CLDN16: variants seen among roughly 807,000 people sequenced by gnomAD.
The protein encoded by CLDN16 is claudin-16.
A neutral mutation model predicts 24.6 loss-of-function variants in CLDN16; 13 were observed. That is an observed-to-expected ratio of 0.53 (90% CI 0.34 to 0.84). The LOEUF (loss-of-function observed/expected upper bound fraction) is 0.84. Among genes scored for constraint, CLDN16 ranks in the 40% least tolerant of loss-of-function variants. The pLI, the probability that CLDN16 is intolerant of heterozygous loss-of-function variation, is 0.01. For synonymous variants in CLDN16, 116 were observed against 106.7 expected, an observed-to-expected ratio of 1.09 and a Z score of -0.54; for missense variants, 298 against 292.7, an observed-to-expected ratio of 1.02 and a Z score of -0.13.
intron 1 of CLDN16, among the ~76,000 whole-genome samples, chr3:190,334,017 A>G (rs1284422174): frequency 6.6e-6 from 1 of 152,122 alleles, no homozygotes; most frequent in Non-Finnish European, 1.5e-5. Flanking sequence ...TTGCCATTAA[A>G]AAGATATTGC....
chr3:190,338,506 A>G (rs886833593), intron 1 of CLDN16, among the ~76,000 whole-genome samples: 2 of 152,210 alleles, frequency 1.3e-5, no homozygotes, highest in African/African-American at 4.8e-5. Flanking sequence ...TAAATTGACA[A>G]GTACAGCAAT....
At chr3:190,393,706 C>G (rs904376956) in intron 1 of CLDN16, among the ~76,000 whole-genome samples, 4 of 145,304 alleles carry the variant, frequency 2.8e-5, no homozygotes, top group African/African-American at 1.0e-4. Context: ...TATTGCTTCT[C>G]TTGGAGAAAT....
At chr3:190,370,416 T>C (rs952683170) in intron 1 of CLDN16, among the ~76,000 whole-genome samples, 1 of 151,984 alleles carries the variant, frequency 6.6e-6, no homozygotes, top group African/African-American at 2.4e-5. Flanking sequence ...TTTTAGTGAA[T>C]GATTTGAGTG....
intron 3 of CLDN16, among the ~76,000 whole-genome samples, chr3:190,380,673 C>G (rs906431782): frequency 2.2e-4 from 34 of 151,954 alleles, no homozygotes; most frequent in African/African-American, 8.0e-4. Context: ...TATTATGCAT[C>G]TAACAAAGGT....
chr3:190,363,968 G>A (rs752780329), intron 1 of CLDN16, among the ~76,000 whole-genome samples: 2 of 151,836 alleles, frequency 1.3e-5, no homozygotes, highest in Non-Finnish European at 2.9e-5. Flanking sequence ...CAATTGTATT[G>A]CCTGAAGAAT....
At chr3:190,322,239 TG>T, upstream of CLDN16, 1 of 1,598,384 alleles carries the variant, frequency 6.3e-7, no homozygotes, top group Non-Finnish European at 8.6e-7. Context: ...GGCTCAGGGG[TG>T]GCAGGTGCAG....
At chr3:190,397,506 G>C (rs1429455391) in intron 1 of CLDN16, among the ~76,000 whole-genome samples, 2 of 152,072 alleles carry the variant, frequency 1.3e-5, no homozygotes, top group African/African-American at 2.4e-5. Context: ...AGATTTGCTT[G>C]CTTTTTAGTT....
chr3:190,374,313 G>GTGTGTGT (rs761347927), intron 2 of CLDN16, among the ~76,000 whole-genome samples: 43 of 141,160 alleles, frequency 3.0e-4, no homozygotes, highest in South Asian at 6.9e-4. Flanking sequence ...GTGTGTGTGT[G>GTGTGTGT]GTTTTCCCTG....
At chr3:190,344,158 G>A (rs1160459397) in intron 1 of CLDN16, among the ~76,000 whole-genome samples, 2 of 150,826 alleles carry the variant, frequency 1.3e-5, no homozygotes, top group South Asian at 4.2e-4. Flanking sequence ...CGCTTTGAAA[G>A]CACGTATGAA....
chr3:190,301,134 T>C, the CLDN16 span, among the ~76,000 whole-genome samples: 1 of 152,196 alleles, frequency 6.6e-6, no homozygotes, highest in Admixed American at 6.5e-5. Context: ...ATTCTAGTTC[T>C]TCATATGCCC....
the CLDN16 span, among the ~76,000 whole-genome samples, chr3:190,317,417 G>A: frequency 3.9e-5 from 6 of 152,108 alleles, no homozygotes; most frequent in African/African-American, 9.7e-5. Context: ...AGAATTAAAA[G>A]TAAATACTTA....
At chr3:190,406,019 T>G (rs980752357) in intron 3 of CLDN16, among the ~76,000 whole-genome samples, 1 of 152,204 alleles carries the variant, frequency 6.6e-6, no homozygotes, top group African/African-American at 2.4e-5. Flanking sequence ...GATATGGAGT[T>G]TGGAACTAGA....
chr3:190,405,999 G>A (rs1470755982), intron 3 of CLDN16, among the ~76,000 whole-genome samples: 4 of 152,166 alleles, frequency 2.6e-5, no homozygotes, highest in Non-Finnish European at 5.9e-5. Context: ...GCAGTGTGGG[G>A]TAGTACATCG....
the CLDN16 span, among the ~76,000 whole-genome samples, chr3:190,297,821 C>A: frequency 6.8e-6 from 1 of 147,748 alleles, no homozygotes; most frequent in Non-Finnish European, 1.5e-5. Flanking sequence ...TTCTCATTTA[C>A]AAAGGACATT....
chr3:190,387,798 CCTGT>C (rs1430805127), upstream of CLDN16: 5 of 356,242 alleles, frequency 1.4e-5, no homozygotes, highest in African/African-American at 8.4e-5. Context: ...TCACCAGTGG[CCTGT>C]CTGTCTAAAG....
At chr3:190,329,203 G>T (rs1170765159) in intron 1 of CLDN16, among the ~76,000 whole-genome samples, 1 of 152,152 alleles carries the variant, frequency 6.6e-6, no homozygotes, top group Non-Finnish European at 1.5e-5. Context: ...TGGTGAGAGG[G>T]TTTGAACTAT....
At chr3:190,400,231 C>T (rs1359640789) in intron 1 of CLDN16, among the ~76,000 whole-genome samples, 2 of 151,878 alleles carry the variant, frequency 1.3e-5, no homozygotes, top group African/African-American at 4.8e-5. Flanking sequence ...TTTTTTACCT[C>T]GAGGTTTTTT....
At chr3:190,292,306 G>T in the CLDN16 span, among the ~76,000 whole-genome samples, 1 of 152,192 alleles carries the variant, frequency 6.6e-6, no homozygotes, top group Non-Finnish European at 1.5e-5. Context: ...ACCAAGGCTT[G>T]GGACTTACAC....
rs114482205 is a variant in CLDN16, at chr3:190,373,549, A to G, written n.231-979A>G. ...AGACTATTCTTTACTAAACTTGTTA[A>G]GTATAGTTTGAGTGGTTAGGCCTCA... On this transcript the variant is annotated intron_variant and non_coding_transcript_variant, in intron 2 of 4. Transcript: ENST00000468220. Among the ~76,000 whole-genome samples the G allele has an allele frequency of 2.4e-3, 365 of 152,100 alleles. 1 individual carries two copies. The highest frequency in any genetic ancestry group is 4.3e-3 in the Non-Finnish European group (294 of 67,926).
Sources: gnomAD v4.1 joint callset for allele counts (sites outside exome capture counted in the v4.1 genomes callset) on GRCh38, gnomAD v4.1.1 for gene constraint, MANE v1.5 for transcripts, NCBI Gene and HGNC (gene_info 2026-07-23, HGNC 2026-07-21) for gene names.